The following LRMDA variants were observed in gnomAD, a reference collection of about 807,000 sequenced individuals.
The protein encoded by LRMDA is leucine-rich melanocyte differentiation-associated protein.
A neutral mutation model predicts 29.8 loss-of-function variants in LRMDA; 18 were observed. The ratio of observed to expected loss-of-function variants is 0.60; its 90% confidence interval spans 0.42 to 0.90. The LOEUF (loss-of-function observed/expected upper bound fraction) is 0.90. Ranked by LOEUF, LRMDA falls within the 40% of genes least tolerant of loss-of-function variation. The pLI, the probability that LRMDA is intolerant of heterozygous loss-of-function variation, is 0.00. For synonymous variants in LRMDA, 125 were observed against 109.4 expected (o/e 1.14, Z -0.89); for missense variants, 273 against 273.9 (o/e 1.00, Z 0.02).
At chr10:76,058,041 C>A (rs1848644550) in intron 4 of LRMDA, among the ~76,000 whole-genome samples, 1 of 152,156 alleles carries the variant, frequency 6.6e-6, no homozygotes, top group Non-Finnish European at 1.5e-5. Context: ...ATTTGTTGGG[C>A]CATTAATATC....
chr10:75,773,937 A>G (rs1284114188), intron 2 of LRMDA, among the ~76,000 whole-genome samples: 4 of 152,182 alleles, frequency 2.6e-5, no homozygotes, highest in African/African-American at 9.7e-5. Context: ...GTCCTCACTG[A>G]GTCTGTAAGT....
intron 2 of LRMDA, among the ~76,000 whole-genome samples, chr10:75,852,827 A>T (rs72811432): frequency 0.14 from 21,165 of 152,046 alleles, 1,861 homozygotes; most frequent in Admixed American, 0.21. Context: ...GGCTCCATAG[A>T]TGGGGGTTGT....
At chr10:76,442,725 G>A (rs531111011) in intron 6 of LRMDA, among the ~76,000 whole-genome samples, 2 of 152,218 alleles carry the variant, frequency 1.3e-5, no homozygotes, top group East Asian at 3.9e-4. Flanking sequence ...TAAATCATAT[G>A]TATAGTCAAG....
At chr10:75,643,676 G>A (rs373405492) in intron 2 of LRMDA, among the ~76,000 whole-genome samples, 4 of 152,180 alleles carry the variant, frequency 2.6e-5, no homozygotes, top group Admixed American at 6.5e-5. Context: ...ATGAGTTGGG[G>A]CTGGAGTTAA....
rs77958643 is a variant in LRMDA, at chr10:75,946,607, A to G, written c.132-89401A>G. 1.7e-4 allele frequency among the ~76,000 whole-genome samples: 26 copies of G among 152,344 alleles called. No homozygotes were observed. In the East Asian group the frequency reaches 4.6e-3, roughly 27 times the overall value. On this transcript the variant is annotated intron_variant, in intron 2 of 6. Transcript: ENST00000611255. ...GGGGAAAATATGGTTCGGATTGCCC[A>G]TCCTAGCTCCTTCTTGGGCTTTGGA...
At chr10:76,421,799 T>C (rs761187857) in intron 6 of LRMDA, among the ~76,000 whole-genome samples, 1 of 152,250 alleles carries the variant, frequency 6.6e-6, no homozygotes, top group Non-Finnish European at 1.5e-5. Flanking sequence ...TCTTATTGAT[T>C]GATGGTTTGG....
chr10:75,441,938 A>G (rs1031898962), intron 2 of LRMDA, among the ~76,000 whole-genome samples: 1 of 152,220 alleles, frequency 6.6e-6, no homozygotes, highest in African/African-American at 2.4e-5. Context: ...GTTTTTATAT[A>G]GCTAATACAG....
chr10:75,967,168 C>G (rs76646529), intron 2 of LRMDA, among the ~76,000 whole-genome samples: 1 of 152,196 alleles, frequency 6.6e-6, no homozygotes, highest in Non-Finnish European at 1.5e-5. Flanking sequence ...CTCGTCCCTC[C>G]TTTGTGGCAC....
intron 5 of LRMDA, among the ~76,000 whole-genome samples, chr10:76,209,183 A>G (rs532005649): frequency 1.3e-5 from 2 of 152,192 alleles, no homozygotes; most frequent in South Asian, 4.2e-4. Flanking sequence ...ATAAAAAAAA[A>G]CTTGCCTTTC....
rs538094302 is a variant in LRMDA, at chr10:76,418,557, T to C, written c.601+94072T>C. Reference sequence around the variant, plus strand: ...AGAGTTTCTAGAGTTTTTGGTTTTCTGTACACAAATCTCCCTGTAATAATT... The same window carrying C: ...AGAGTTTCTAGAGTTTTTGGTTTTCCGTACACAAATCTCCCTGTAATAATT... On this transcript the variant is annotated intron_variant, in intron 6 of 6. Transcript: ENST00000611255. 2.0e-5 allele frequency among the ~76,000 whole-genome samples: 3 copies of C among 152,156 alleles called. No individual in the cohort carries two copies. The East Asian group carries it at 5.8e-4, about 29-fold the overall frequency.
chr10:75,635,200 G>A (rs1841376005), intron 2 of LRMDA, among the ~76,000 whole-genome samples: 2 of 152,264 alleles, frequency 1.3e-5, no homozygotes, highest in Admixed American at 6.5e-5. Context: ...TCGTAAATCA[G>A]TAATTGATAA....
chr10:75,564,339 G>T (rs12251501), intron 2 of LRMDA, among the ~76,000 whole-genome samples: 2,325 of 152,308 alleles, frequency 0.015, 62 homozygotes, highest in African/African-American at 0.052. Flanking sequence ...CTCTGAGCCA[G>T]GTGTGGGATA....
At chr10:75,932,225 C>G (rs1846216421) in intron 2 of LRMDA, among the ~76,000 whole-genome samples, 1 of 152,144 alleles carries the variant, frequency 6.6e-6, no homozygotes, top group Admixed American at 6.6e-5. Context: ...CAGATTTCAT[C>G]TATGATTTTG....
At chr10:75,702,744 G>A (rs966754796) in intron 2 of LRMDA, among the ~76,000 whole-genome samples, 5 of 152,218 alleles carry the variant, frequency 3.3e-5, no homozygotes, top group African/African-American at 9.6e-5. Flanking sequence ...CAATTACAGT[G>A]GCAACCTTCG....
At chr10:75,621,232 A>ACACACC (rs1219835350) in intron 2 of LRMDA, among the ~76,000 whole-genome samples, 5 of 150,624 alleles carry the variant, frequency 3.3e-5, no homozygotes, top group South Asian at 2.1e-4. Flanking sequence ...ACACCCACAC[A>ACACACC]CCCACACACA....
chr10:76,227,604 A>G (rs1564692682), intron 5 of LRMDA, among the ~76,000 whole-genome samples: 1 of 152,192 alleles, frequency 6.6e-6, no homozygotes, highest in Non-Finnish European at 1.5e-5. Context: ...CCAAATTGTA[A>G]AGCCATTCTT....
chr10:76,209,887 G>T (rs1851605367), intron 5 of LRMDA, among the ~76,000 whole-genome samples: 1 of 152,168 alleles, frequency 6.6e-6, no homozygotes, highest in Admixed American at 6.5e-5. Flanking sequence ...TATTTTGAAA[G>T]CATTTGACTT....
chr10:75,650,343 T>C (rs1407729523), intron 2 of LRMDA, among the ~76,000 whole-genome samples: 1 of 152,214 alleles, frequency 6.6e-6, no homozygotes, highest in African/African-American at 2.4e-5. Flanking sequence ...CATGTGGATG[T>C]CCAGTTTTCC....
chr10:76,314,771 A>G (rs1840671140), intron 5 of LRMDA, among the ~76,000 whole-genome samples: 1 of 152,244 alleles, frequency 6.6e-6, no homozygotes, highest in Non-Finnish European at 1.5e-5. Context: ...CTTGTAAGCC[A>G]GTACAGGTTA....
Sources: gnomAD v4.1 joint callset for allele counts (sites outside exome capture counted in the v4.1 genomes callset) on GRCh38, gnomAD v4.1.1 for gene constraint, MANE v1.5 for transcripts, NCBI Gene and HGNC (gene_info 2026-07-23, HGNC 2026-07-21) for gene names.